LARP1B: variants seen among roughly 807,000 people sequenced by gnomAD.
LARP1B encodes La ribonucleoprotein 1B.
A neutral mutation model predicts 114.2 loss-of-function variants in LARP1B; 76 were observed. The observed-to-expected ratio is 0.67, with a 90% confidence interval of 0.55 to 0.81. The LOEUF (loss-of-function observed/expected upper bound fraction) is 0.81. Ranked by LOEUF, LARP1B falls within the 30% of genes least tolerant of loss-of-function variation. The probability of loss-of-function intolerance (pLI) is 0.00; values close to 1 mark genes in which losing one functional copy is unlikely to be tolerated. For missense variants in LARP1B, 1,014 were observed against 1,075.8 expected (o/e 0.94, Z 0.80); for synonymous variants, 345 against 348.0 (o/e 0.99, Z 0.10).
chr4:128,089,660 T>A (rs1347732724), intron 5 of LARP1B, among the ~76,000 whole-genome samples: 1 of 152,022 alleles, frequency 6.6e-6, no homozygotes, highest in Non-Finnish European at 1.5e-5. Context: ...TTAAACTTTG[T>A]CAACATTTCA....
In LARP1B at chr4:128,082,276, C is replaced by T. The variant is rs1382305402; in HGVS notation, c.329C>T (p.Thr110Ile). Residue 110 changes from threonine (T) to isoleucine (I), a missense_variant, in exon 5 of 20, where the codon ACA becomes ATA. Physicochemically the swap from Thr to Ile is moderately conservative, Grantham distance 89. Transcript: ENST00000326639. Reference protein sequence around the residue: ...SRCQPEANKPTHNNRRNDTRS... With the variant: ...SRCQPEANKPIHNNRRNDTRS... ...TGTCAACCTGAAGCAAATAAACCAA[C>T]ACATAACAATAGGAGAAATGATACA... The T allele has an allele frequency of 1.2e-6, 2 of 1,613,728 alleles. No individual in the cohort carries two copies. The highest frequency in any genetic ancestry group is 2.7e-5 in the African/African-American group (2 of 74,936).
intron 12 of LARP1B, among the ~76,000 whole-genome samples, chr4:128,168,767 TG>T (rs1352329988): frequency 2.0e-5 from 3 of 151,822 alleles, no homozygotes; most frequent in East Asian, 1.9e-4. Flanking sequence ...TGAGGAATAT[TG>T]TTTTTTTTTT....
At chr4:128,070,503 A>G (rs1764820932) in intron 1 of LARP1B, among the ~76,000 whole-genome samples, 1 of 148,918 alleles carries the variant, frequency 6.7e-6, no homozygotes, top group Non-Finnish European at 1.5e-5. Context: ...TCTACTAAAA[A>G]TACAAAAATC....
intron 11 of LARP1B, chr4:128,123,646 A>G (rs1788685148): frequency 7.5e-6 from 5 of 666,698 alleles, no homozygotes; most frequent in African/African-American, 2.0e-5. Context: ...AGTTTCTGGC[A>G]CAAAGAAATG....
intron 4 of LARP1B, among the ~76,000 whole-genome samples, chr4:128,080,249 C>T (rs1769783682): frequency 6.6e-6 from 1 of 152,002 alleles, no homozygotes; most frequent in African/African-American, 2.4e-5. Flanking sequence ...TCCCAAAGTG[C>T]TGGGATTACA....
intron 11 of LARP1B, among the ~76,000 whole-genome samples, chr4:128,133,346 A>G (rs1429987095): frequency 1.3e-5 from 2 of 152,268 alleles, no homozygotes; most frequent in South Asian, 4.1e-4. Flanking sequence ...TTACACATTA[A>G]TAAAGCTGTT....
chr4:128,073,401 G>A (rs1473371162), intron 1 of LARP1B, among the ~76,000 whole-genome samples: 2 of 100,518 alleles, frequency 2.0e-5, no homozygotes, highest in Non-Finnish European at 3.5e-5. Context: ...GGGCGACAGA[G>A]TGAGAAGATT....
At chr4:128,219,221 G>A (rs1361820685) in intron 6 of LARP1B, among the ~76,000 whole-genome samples, 2,510 of 145,310 alleles carry the variant, frequency 0.017, 56 homozygotes, top group East Asian at 0.1. Flanking sequence ...TTCAACCATT[G>A]TGGAAGTCAG....
At chr4:128,176,970 A>G in intron 13 of LARP1B, 63 bp downstream of exon 13, 1 of 1,412,506 alleles carries the variant, frequency 7.1e-7, no homozygotes, top group South Asian at 1.2e-5. Flanking sequence ...TATACAAAAG[A>G]TGCAGGAAAG....
intron 12 of LARP1B, among the ~76,000 whole-genome samples, chr4:128,172,215 G>T (rs1278796139): frequency 9.9e-5 from 15 of 150,834 alleles, no homozygotes; most frequent in African/African-American, 2.9e-4. Flanking sequence ...AATTTCTGTT[G>T]ATTCTGGCTG....
intron 15 of LARP1B, among the ~76,000 whole-genome samples, chr4:128,192,211 A>G (rs567442169): frequency 1.3e-5 from 2 of 152,312 alleles, no homozygotes; most frequent in African/African-American, 4.8e-5. Flanking sequence ...TTGGTAGAGT[A>G]CAGTATAATG....
intron 1 of LARP1B, chr4:128,061,758 A>C: frequency 1.0e-6 from 1 of 984,808 alleles, no homozygotes; most frequent in Non-Finnish European, 1.2e-6. Context: ...GTGACTGCTG[A>C]GAGGGAGTCG....
intron 10 of LARP1B, among the ~76,000 whole-genome samples, chr4:128,116,998 GC>G (rs1373552008): frequency 6.7e-6 from 1 of 148,176 alleles, no homozygotes; most frequent in Non-Finnish European, 1.5e-5. Flanking sequence ...TGCAACCTCT[GC>G]CTTCTGGGTT....
At chr4:128,208,801 T>A (rs879931301) in intron 19 of LARP1B, among the ~76,000 whole-genome samples, 3 of 152,214 alleles carry the variant, frequency 2.0e-5, no homozygotes, top group African/African-American at 4.8e-5. Flanking sequence ...TGTTTAAATT[T>A]GGTGCCATCA....
intron 8 of LARP1B, 57 bp from the exon 9 acceptor site, chr4:128,107,082 G>GA: frequency 1.4e-6 from 2 of 1,435,294 alleles, no homozygotes; most frequent in Non-Finnish European, 1.9e-6. Context: ...GTTCTTAGAA[G>GA]TATAGCACAG....
chr4:128,069,945 C>G (rs1057303186), intron 1 of LARP1B, among the ~76,000 whole-genome samples: 6 of 152,054 alleles, frequency 3.9e-5, no homozygotes, highest in Admixed American at 2.0e-4. Flanking sequence ...TAATGAAATA[C>G]CATTTTAAGT....
intron 8 of LARP1B, among the ~76,000 whole-genome samples, chr4:128,101,047 A>C (rs970875281): frequency 6.7e-6 from 1 of 149,838 alleles, no homozygotes; most frequent in Non-Finnish European, 1.5e-5. Flanking sequence ...TCGAACTTCT[A>C]TCTCAGGTGA....
intron 9 of LARP1B, among the ~76,000 whole-genome samples, chr4:128,111,213 T>A (rs1040321162): frequency 4.6e-5 from 7 of 151,742 alleles, no homozygotes; most frequent in African/African-American, 9.7e-5. Context: ...CGCCCGGCTA[T>A]TTTTTTGTAT....
chr4:128,199,892 C>T (rs1403025036), intron 16 of LARP1B, among the ~76,000 whole-genome samples: 1 of 152,132 alleles, frequency 6.6e-6, no homozygotes, highest in Non-Finnish European at 1.5e-5. Context: ...ATGAGACCAG[C>T]CTGGCCAACA....
Sources: gnomAD v4.1 joint callset for allele counts (sites outside exome capture counted in the v4.1 genomes callset) on GRCh38, gnomAD v4.1.1 for gene constraint, MANE v1.5 for transcripts, NCBI Gene and HGNC (gene_info 2026-07-23, HGNC 2026-07-21) for gene names.